ZNF185: variants seen among roughly 807,000 people sequenced by gnomAD.
The protein encoded by ZNF185 is zinc finger protein 185 with LIM domain.
A neutral mutation model predicts 58.6 loss-of-function variants in ZNF185; 56 were observed. That is an observed-to-expected ratio of 0.95 (90% CI 0.77 to 1.19). The LOEUF (loss-of-function observed/expected upper bound fraction) is 1.19, where lower values mean the gene tolerates loss of function less well. ZNF185 is among the 50% of genes most tolerant of loss of function. The probability of loss-of-function intolerance (pLI) is 0.00; values close to 1 mark genes in which losing one functional copy is unlikely to be tolerated. For missense variants in ZNF185, 627 were observed against 573.5 expected (o/e 1.09, Z -0.95); for synonymous variants, 230 against 215.9 (o/e 1.07, Z -0.57).
At chrX:152,914,047 G>A (rs988981448), upstream of ZNF185, among the ~76,000 whole-genome samples, 2 of 110,604 alleles carry the variant, frequency 1.8e-5, no homozygotes, top group African/African-American at 3.3e-5. Context: ...GAAGCTGTTC[G>A]GCTTTGGATG....
upstream of ZNF185, chrX:152,914,362 C>A: frequency 3.3e-6 from 2 of 609,024 alleles, no homozygotes; most frequent in Non-Finnish European, 5.0e-6. Context: ...TCTGGATGAT[C>A]TTGGTGTACC....
intron 11 of ZNF185, among the ~76,000 whole-genome samples, chrX:152,925,028 C>T (rs1940580802): frequency 8.9e-6 from 1 of 112,419 alleles, no homozygotes; most frequent in African/African-American, 3.2e-5. Flanking sequence ...CATGGTGGCT[C>T]ATGCCCGTAA....
chrX:152,926,651 G>A (rs1410631174), intron 11 of ZNF185, among the ~76,000 whole-genome samples: 4 of 112,222 alleles, frequency 3.6e-5, no homozygotes, highest in Non-Finnish European at 7.5e-5. Context: ...CAGCCTTCCA[G>A]CGTGGTCCTG....
intron 16 of ZNF185, among the ~76,000 whole-genome samples, chrX:152,957,204 A>G (rs1321799584): frequency 1.9e-5 from 2 of 106,993 alleles, no homozygotes; most frequent in African/African-American, 6.8e-5. Context: ...AGCAGCTGGG[A>G]CTACAGGCGT....
At chrX:152,907,457 C>T in the ZNF185 span, among the ~76,000 whole-genome samples, 1 of 113,297 alleles carries the variant, frequency 8.8e-6, no homozygotes, top group Non-Finnish European at 1.9e-5. Context: ...GGAACATGCC[C>T]ATGGGCATTT....
At chrX:152,901,330 G>A in the ZNF185 span, among the ~76,000 whole-genome samples, 64 of 106,009 alleles carry the variant, frequency 6.0e-4, no homozygotes, top group African/African-American at 2.1e-3. Context: ...ATAGCACACC[G>A]CAGCCTCCAA....
At chrX:152,908,723 G>A in the ZNF185 span, among the ~76,000 whole-genome samples, 3 of 113,364 alleles carry the variant, frequency 2.6e-5, no homozygotes, top group Non-Finnish European at 3.7e-5. Flanking sequence ...ACTCGAGGCC[G>A]TCGTGCATGG....
intron 14 of ZNF185, among the ~76,000 whole-genome samples, chrX:152,934,371 G>C (rs1569503182): frequency 8.9e-6 from 1 of 112,273 alleles, no homozygotes; most frequent in Non-Finnish European, 1.9e-5. Flanking sequence ...CACCCCGCCT[G>C]CTTATACACC....
At chrX:152,940,383 G>C (rs1048975450) in intron 15 of ZNF185, among the ~76,000 whole-genome samples, 8 of 91,479 alleles carry the variant, frequency 8.7e-5, no homozygotes, top group Admixed American at 2.5e-4. Flanking sequence ...ACATTAGTTA[G>C]GTCCAGAAAG....
At chrX:152,927,758 C>A in intron 11 of ZNF185, among the ~76,000 whole-genome samples, 1 of 112,575 alleles carries the variant, frequency 8.9e-6, no homozygotes, top group East Asian at 2.8e-4. Flanking sequence ...CCTGACCCTG[C>A]TGGGCCCAGA....
intron 14 of ZNF185, among the ~76,000 whole-genome samples, chrX:152,937,333 C>T (rs782065599): frequency 8.9e-6 from 1 of 111,966 alleles, no homozygotes; most frequent in Middle Eastern, 4.6e-3. Flanking sequence ...CTTACTCTCA[C>T]ACCGTCTGCC....
At chrX:152,906,270 C>T in the ZNF185 span, among the ~76,000 whole-genome samples, 13 of 112,667 alleles carry the variant, frequency 1.2e-4, no homozygotes, top group African/African-American at 4.2e-4. Context: ...GGGAGTTATC[C>T]CTTCACCACT....
intron 11 of ZNF185, among the ~76,000 whole-genome samples, chrX:152,928,160 G>T (rs1413166102): frequency 1.8e-5 from 2 of 111,937 alleles, no homozygotes; most frequent in Non-Finnish European, 3.8e-5. Flanking sequence ...TCCATATTTG[G>T]TCTGTGGGTT....
chrX:152,954,138 A>T lies in ZNF185; in HGVS notation c.1410-5561A>T, dbSNP rs375895218. On this transcript the variant is annotated intron_variant, in intron 16 of 22. Coordinates refer to ENST00000449285, the Ensembl canonical transcript of ZNF185. ...AATACAAAAAACATCACAAAATAAT[A>T]AAAAAAAAAAAGCCTTTTTTTTTCA... Among the ~76,000 whole-genome samples the T allele has an allele frequency of 5.3e-3, 329 of 62,382 alleles. 3 individuals are homozygous for T. Among genetic ancestry groups the T allele is most frequent in the Admixed American group, 0.038 (208 of 5,435 alleles). 54.2% of individuals were successfully genotyped at this position (62,382 alleles called of 115,157 possible).
At chrX:152,963,771 G>T in intron 17 of ZNF185, 68 bp from the exon 20 acceptor site, 1 of 1,003,665 alleles carries the variant, frequency 1.0e-6, no homozygotes. Context: ...GCTCAGAAAA[G>T]CCTGTTTGAC....
the ZNF185 span, among the ~76,000 whole-genome samples, chrX:152,900,511 A>G: frequency 2.7e-5 from 3 of 113,104 alleles, no homozygotes; most frequent in Non-Finnish European, 5.6e-5. Context: ...GCCAGAGAGG[A>G]GAGCTGCTCT....
chrX:152,904,772 T>C, the ZNF185 span, among the ~76,000 whole-genome samples: 2 of 111,993 alleles, frequency 1.8e-5, no homozygotes, highest in Non-Finnish European at 3.8e-5. Context: ...CCCACTGCGC[T>C]AGGCTTTTGA....
At chrX:152,946,999 C>T (rs782713259) in intron 16 of ZNF185, among the ~76,000 whole-genome samples, 6 of 111,795 alleles carry the variant, frequency 5.4e-5, no homozygotes, top group Non-Finnish European at 7.5e-5. Context: ...GGGGAGTATA[C>T]GACGAGACAA....
chrX:152,969,667 G>A (rs782622151), intron 21 of ZNF185, among the ~76,000 whole-genome samples, 183 bp downstream of exon 23: 1 of 112,423 alleles, frequency 8.9e-6, no homozygotes, highest in Admixed American at 9.4e-5. Context: ...GAGCTTCCAA[G>A]TCTAAGACAG....
Sources: allele counts gnomAD v4.1 joint callset (sites outside exome capture counted in the v4.1 genomes callset), GRCh38; gene constraint gnomAD v4.1.1; transcripts MANE v1.5; gene names NCBI Gene and HGNC (gene_info 2026-07-23, HGNC 2026-07-21).